ECPAS: variants seen among roughly 807,000 people sequenced by gnomAD.
ECPAS encodes the protein proteasome adapter and scaffold protein ECM29.
ECPAS carries 70 observed loss-of-function variants against 255.1 expected under a neutral mutation model. The ratio of observed to expected loss-of-function variants is 0.27; its 90% CI spans 0.23 to 0.33. ECPAS has a LOEUF of 0.33. Among genes scored for constraint, ECPAS ranks in the 10% least tolerant of loss-of-function variants. The pLI, the probability that ECPAS is intolerant of heterozygous loss-of-function variation, is 1.00. For missense variants in ECPAS, 1,817 were observed against 2,206.4 expected (o/e 0.82, Z 3.54); for synonymous variants, 784 against 775.0 (o/e 1.01, Z -0.19).
At chr9:111,459,984 G>A (rs2098271283) in intron 2 of ECPAS, among the ~76,000 whole-genome samples, 1 of 152,008 alleles carries the variant, frequency 6.6e-6, no homozygotes. Context: ...GGTATCCCCA[G>A]AAAGATAAAA....
intron 43 of ECPAS, 49 bp from the exon 44 acceptor site, chr9:111,370,814 T>G: frequency 6.7e-7 from 1 of 1,503,226 alleles, no homozygotes; most frequent in Middle Eastern, 1.7e-4. Flanking sequence ...AACATGTCAT[T>G]TACACTGTCT....
At chr9:111,416,789 A>C (rs2098204272) in intron 17 of ECPAS, among the ~76,000 whole-genome samples, 1 of 152,194 alleles carries the variant, frequency 6.6e-6, no homozygotes, top group Non-Finnish European at 1.5e-5. Flanking sequence ...AAGAGCTAGG[A>C]TCACCAGTGG....
At chr9:111,402,346 T>C (rs752129606) in intron 24 of ECPAS, among the ~76,000 whole-genome samples, 2 of 152,176 alleles carry the variant, frequency 1.3e-5, no homozygotes, top group Non-Finnish European at 1.5e-5. Context: ...TTACAAAAAA[T>C]GCTACAGTTC....
intron 1 of ECPAS, chr9:111,483,687 G>A: frequency 6.1e-6 from 1 of 165,268 alleles, no homozygotes; most frequent in Non-Finnish European, 1.2e-5. Context: ...GCCCGCCGCC[G>A]CCGCCTGCGT....
In ECPAS at chr9:111,417,960, G is replaced by A. The variant is rs777294139; in HGVS notation, c.1606C>T (p.Pro536Ser). ...GTACTTTCTTTTCTGTTTCTACCTG[G>A]AAGACACCTTAATACGCGTTGTGCT... ...GEAQRVLRCL[P>S]GRNRKESTSE... Residue 536 changes from proline to serine, a missense_variant, in exon 17 of 50, where the codon CCA becomes TCA. Pro to Ser is a moderately conservative substitution (Grantham distance 74). This residue lies in a region of ECPAS where 573 missense variants were observed against 716.2 expected (regional missense o/e 0.80). Transcript: ENST00000684092. 6.2e-7 allele frequency: 1 copy of A among 1,607,586 alleles called. No individual in the cohort carries two copies. Among genetic ancestry groups the A allele is most frequent in the Non-Finnish European group, 8.5e-7 (1 of 1,176,866 alleles).
intron 9 of ECPAS, among the ~76,000 whole-genome samples, chr9:111,429,843 A>G (rs1194839500): frequency 1.3e-5 from 2 of 152,206 alleles, no homozygotes; most frequent in African/African-American, 4.8e-5. Context: ...AACTCAAACA[A>G]AAAAGAGCAA....
chr9:111,416,283 C>T lies in ECPAS; in HGVS notation c.1753G>A (p.Ala585Thr), dbSNP rs748762366. 6.2e-6 allele frequency: 10 copies of T among 1,612,576 alleles called. No homozygotes were observed. The highest frequency in any genetic ancestry group is 8.5e-6 in the Non-Finnish European group (10 of 1,178,784). The stretch of plus-strand genomic sequence containing the variant: ...TATGAAAGTTCTACCTCTCCAAAGG[C>T]TGCTGGGTTAAATGGAAGGACAGTG... ...GTTVLPFNPA[A>T]FGEIVLYLRM... The change falls in exon 18 of 50, where the codon GCC becomes ACC. Residue 585 changes from alanine to threonine, a missense_variant. Transcript: ENST00000684092.
chr9:111,458,841 C>T (rs2098269977), intron 2 of ECPAS, among the ~76,000 whole-genome samples: 1 of 152,156 alleles, frequency 6.6e-6, no homozygotes, highest in East Asian at 1.9e-4. Context: ...GCATCTGGAA[C>T]CCTCTCAGGC....
At chr9:111,383,809 C>G (rs934283398) in intron 34 of ECPAS, among the ~76,000 whole-genome samples, 14 of 152,060 alleles carry the variant, frequency 9.2e-5, no homozygotes, top group African/African-American at 3.1e-4. Context: ...GTGGTCCCAG[C>G]TCTCCAGGAG....
intron 32 of ECPAS, among the ~76,000 whole-genome samples, chr9:111,386,057 G>A (rs1305665554): frequency 1.3e-5 from 2 of 152,190 alleles, no homozygotes; most frequent in Non-Finnish European, 2.9e-5. Context: ...CCCCCTGGCT[G>A]GGTTCAAGCG....
chr9:111,403,640 A>G (rs2098179667), intron 24 of ECPAS, among the ~76,000 whole-genome samples: 1 of 149,906 alleles, frequency 6.7e-6, no homozygotes, highest in Non-Finnish European at 1.5e-5. Flanking sequence ...AGGGAGAGAC[A>G]GACTGCAACA....
chr9:111,470,218 C>G (rs187210573), intron 2 of ECPAS, among the ~76,000 whole-genome samples: 47 of 152,296 alleles, frequency 3.1e-4, no homozygotes, highest in African/African-American at 1.1e-3. Context: ...CCCCAAGGGC[C>G]CAGGCAGATA....
intron 8 of ECPAS, among the ~76,000 whole-genome samples, chr9:111,431,559 GAAAAAAA>G (rs778966448): frequency 2.4e-4 from 20 of 82,670 alleles, no homozygotes; most frequent in African/African-American, 8.5e-4. Context: ...CTCTGTCTCA[GAAAAAAA>G]AAAAAAAAAA....
rs1476173847 is a variant in ECPAS at position 111,408,598 on chromosome 9, G to A, written c.2625C>T (p.Leu875=). The change falls in exon 24 of 50, where the codon CTC becomes CTT. Residue 875 remains leucine (L), a synonymous_variant. Transcript: ENST00000684092. ...CCACAGAATCCATCAGACCTTGCAA[G>A]AGGAGTTTCTGGTGAGGAAAATCTC... ...GDGDFPHQKL[L]LQGLMDSVEA... is the part of the protein sequence containing the mutation. 2 of 1,593,182 alleles carry A rather than the reference G, an allele frequency of 1.3e-6. No individual in the cohort carries two copies. The highest frequency in any genetic ancestry group is 1.7e-6 in the Non-Finnish European group (2 of 1,169,892).
rs750606436 is a variant in ECPAS at position 111,369,120 on chromosome 9, T to G, written c.5028A>C (p.Glu1676Asp). The change falls in exon 46 of 50, where the codon GAA becomes GAC. Residue 1676 changes from glutamate to aspartate, a missense_variant. Glu to Asp is a conservative substitution (Grantham distance 45). This residue lies in a region of ECPAS where 960 missense variants were observed against 1,179.0 expected (regional missense o/e 0.81). Coordinates refer to ENST00000684092, the MANE Select transcript of ECPAS (RefSeq NM_001364929.1). ...ATTCCAGCTGGAGCTCCTTTTCCTT[T>G]TCATTCTCCTCTTCATTTTTGGTTG... ...VRTTKNEEEN[E>D]KEKELQLEYL... is the part of the protein sequence containing the mutation. The G allele has an allele frequency of 1.2e-6, 2 of 1,608,334 alleles. No homozygotes were observed. The highest frequency in any genetic ancestry group is 2.7e-5 in the African/African-American group (2 of 74,400).
At chr9:111,431,365 CTGGCCAGCA>C (rs2098229717) in intron 8 of ECPAS, among the ~76,000 whole-genome samples, 2 of 152,138 alleles carry the variant, frequency 1.3e-5, no homozygotes, top group Admixed American at 6.5e-5. Context: ...CAAGGCCAGC[CTGGCCAGCA>C]TGGCGAAACC....
chr9:111,384,026 GT>G (rs2098143961), intron 34 of ECPAS, among the ~76,000 whole-genome samples: 1 of 151,984 alleles, frequency 6.6e-6, no homozygotes, highest in African/African-American at 2.4e-5. Context: ...CAATATAGTG[GT>G]CAAGATCACA....
At chr9:111,403,906 G>GT (rs2131676605) in intron 24 of ECPAS, among the ~76,000 whole-genome samples, 1 of 149,838 alleles carries the variant, frequency 6.7e-6, no homozygotes, top group East Asian at 2.0e-4. Flanking sequence ...ATCATATCAA[G>GT]TATCTTTTCT....
At chr9:111,466,977 C>T (rs528368416) in intron 2 of ECPAS, among the ~76,000 whole-genome samples, 24 of 152,132 alleles carry the variant, frequency 1.6e-4, no homozygotes, top group Admixed American at 4.6e-4. Flanking sequence ...TATCTAAAGA[C>T]GAAGAAGGAA....
Sources: gnomAD v4.1 joint callset for allele counts (sites outside exome capture counted in the v4.1 genomes callset) on GRCh38, gnomAD v4.1.1 for gene constraint, gnomAD v4.1.1 regional missense constraint, MANE v1.5 for transcripts, NCBI Gene and HGNC (gene_info 2026-07-23, HGNC 2026-07-21) for gene names.